CYP4Z1: variants seen among roughly 807,000 people sequenced by gnomAD.
CYP4Z1 encodes the protein cytochrome P450 4Z1.
Under a neutral mutation model 54.2 loss-of-function variants are expected in CYP4Z1, and 41 were observed. That is an observed-to-expected ratio of 0.76 (90% confidence interval 0.59 to 0.98). The LOEUF (loss-of-function observed/expected upper bound fraction) is 0.98, where lower values mean the gene tolerates loss of function less well. CYP4Z1 is among the 50% of genes least tolerant of loss of function. The probability of loss-of-function intolerance (pLI) is 0.00; values close to 1 mark genes in which losing one functional copy is unlikely to be tolerated. For synonymous variants in CYP4Z1, 163 were observed against 206.2 expected (o/e 0.79, Z 1.79); for missense variants, 513 against 599.0 (o/e 0.86, Z 1.50).
chr1:47,094,407 A>G (rs1332926216), intron 6 of CYP4Z1, among the ~76,000 whole-genome samples, 159 bp from the exon 7 acceptor site: 1 of 152,146 alleles, frequency 6.6e-6, no homozygotes, highest in Non-Finnish European at 1.5e-5. Context: ...ATTTTTTTAA[A>G]AAGACAGCTA....
chr1:47,111,779 G>A (rs923280130), intron 9 of CYP4Z1, among the ~76,000 whole-genome samples: 1 of 152,100 alleles, frequency 6.6e-6, no homozygotes, highest in Non-Finnish European at 1.5e-5. Context: ...ACAAAATAGT[G>A]TTCTTTAAAT....
chr1:47,063,993 A>C (rs1644436822), upstream of CYP4Z1, among the ~76,000 whole-genome samples: 1 of 152,060 alleles, frequency 6.6e-6, no homozygotes, highest in African/African-American at 2.4e-5. Context: ...GTGAGGCAAA[A>C]GTGTCAGGTA....
upstream of CYP4Z1, among the ~76,000 whole-genome samples, chr1:47,065,209 C>T (rs187627374): frequency 5.3e-5 from 8 of 152,208 alleles, no homozygotes; most frequent in African/African-American, 1.9e-4. Context: ...AACATTCTAC[C>T]CAACAATTGC....
At chr1:47,085,837 AC>A (rs1467588043) in intron 6 of CYP4Z1, among the ~76,000 whole-genome samples, 2 of 47,586 alleles carry the variant, frequency 4.2e-5, no homozygotes, top group African/African-American at 8.8e-5. Flanking sequence ...ATGCTATCCC[AC>A]CCCCCTCCCC....
chr1:47,097,940 C>T (rs758257353), intron 7 of CYP4Z1, among the ~76,000 whole-genome samples: 20 of 151,466 alleles, frequency 1.3e-4, no homozygotes, highest in Admixed American at 4.6e-4. Context: ...CTCAGTCTCC[C>T]GAGTAGCTGG....
intron 9 of CYP4Z1, among the ~76,000 whole-genome samples, chr1:47,112,595 A>C (rs1327629413): frequency 6.6e-6 from 1 of 152,178 alleles, no homozygotes; most frequent in African/African-American, 2.4e-5. Flanking sequence ...TTTAAATAAA[A>C]TATTAGTACA....
chr1:47,092,842 A>G (rs1349253990), intron 6 of CYP4Z1, among the ~76,000 whole-genome samples: 1 of 147,572 alleles, frequency 6.8e-6, no homozygotes, highest in East Asian at 2.0e-4. Flanking sequence ...GAAAGCCTCT[A>G]AATACCTATC....
Position 47,099,228 on chromosome 1 carries a change from G to C in CYP4Z1, c.1011G>C (p.Gln337His), listed in dbSNP as rs1644702297. ...LYCLAKYPEH[Q>H]QRCRDEIREL... ...GCTTGGCAAAGTACCCTGAGCATCA[G>C]CAGAGATGCCGAGATGAAATCAGGG... Residue 337 changes from glutamine to histidine, a missense_variant, in exon 8 of 12, where the codon CAG (glutamine) becomes CAC (histidine). Physicochemically the swap from Gln to His is conservative, Grantham distance 24. Transcript: ENST00000334194. The C allele has an allele frequency of 1.9e-6, 3 of 1,613,738 alleles. No homozygotes were observed.
chr1:47,116,793 T>G, intron 11 of CYP4Z1, 61 bp downstream of exon 11: 1 of 1,288,932 alleles, frequency 7.8e-7, no homozygotes, highest in Non-Finnish European at 1.1e-6. Flanking sequence ...TGACAAGTGC[T>G]TCTTCCCTTC....
At chr1:47,109,250 A>T (rs552440861) in intron 9 of CYP4Z1, among the ~76,000 whole-genome samples, 1 of 152,364 alleles carries the variant, frequency 6.6e-6, no homozygotes, top group South Asian at 2.1e-4. Flanking sequence ...TTATGAAATT[A>T]AAAAAGAAGG....
At chr1:47,107,346 A>C (rs1361101742) in intron 9 of CYP4Z1, among the ~76,000 whole-genome samples, 1 of 152,064 alleles carries the variant, frequency 6.6e-6, no homozygotes, top group African/African-American at 2.4e-5. Flanking sequence ...CGTAACTACT[A>C]CACTAAAGCA....
chr1:47,100,501 T>C (rs1030639665), intron 8 of CYP4Z1, among the ~76,000 whole-genome samples: 2 of 152,222 alleles, frequency 1.3e-5, no homozygotes, highest in African/African-American at 4.8e-5. Flanking sequence ...CATTTCTTTG[T>C]CCAGCATATC....
intron 9 of CYP4Z1, 142 bp from the exon 10 acceptor site, chr1:47,115,386 TG>T: frequency 1.5e-6 from 1 of 666,002 alleles, no homozygotes; most frequent in Non-Finnish European, 2.6e-6. Flanking sequence ...ACATGGCACA[TG>T]TATACATATG....
At chr1:47,087,616 A>G (rs1329212265) in intron 6 of CYP4Z1, among the ~76,000 whole-genome samples, 4 of 152,084 alleles carry the variant, frequency 2.6e-5, no homozygotes, top group Admixed American at 2.6e-4. Flanking sequence ...GGGTTTTCTA[A>G]ATATACAATA....
At chr1:47,087,353 T>G (rs1323800803) in intron 6 of CYP4Z1, among the ~76,000 whole-genome samples, 1 of 152,250 alleles carries the variant, frequency 6.6e-6, no homozygotes, top group Non-Finnish European at 1.5e-5. Context: ...CATTTGTTTG[T>G]ATCCTCTTTT....
At chr1:47,076,872 G>T (rs1467517769) in intron 2 of CYP4Z1, among the ~76,000 whole-genome samples, 1 of 136,350 alleles carries the variant, frequency 7.3e-6, no homozygotes, top group Non-Finnish European at 1.6e-5. Flanking sequence ...AGAATGTCTT[G>T]TTTAATATTC....
At chr1:47,084,087 G>A in intron 4 of CYP4Z1, among the ~76,000 whole-genome samples, 1 of 152,052 alleles carries the variant, frequency 6.6e-6, no homozygotes, top group Non-Finnish European at 1.5e-5. Flanking sequence ...ATGTCCAAGG[G>A]GGTAAATAAC....
intron 8 of CYP4Z1, among the ~76,000 whole-genome samples, chr1:47,103,231 G>T (rs1644732620): frequency 6.6e-6 from 1 of 151,932 alleles, no homozygotes; most frequent in Non-Finnish European, 1.5e-5. Context: ...CCAGGCTGGA[G>T]TGTAGTGGCA....
chr1:47,108,998 T>C (rs1207271580), intron 9 of CYP4Z1, among the ~76,000 whole-genome samples: 1 of 152,084 alleles, frequency 6.6e-6, no homozygotes, highest in African/African-American at 2.4e-5. Context: ...CCCCTAAGTT[T>C]TATATTTCCA....
Sources: gnomAD v4.1 joint callset for allele counts (sites outside exome capture counted in the v4.1 genomes callset) on GRCh38, gnomAD v4.1.1 for gene constraint, MANE v1.5 for transcripts, NCBI Gene and HGNC (gene_info 2026-07-23, HGNC 2026-07-21) for gene names.